The following QSER1 variants were observed in gnomAD, a reference collection of about 807,000 sequenced individuals.
The protein encoded by QSER1 is glutamine and serine rich 1.
QSER1 carries 49 observed loss-of-function variants against 158.5 expected under a neutral mutation model. The observed-to-expected ratio is 0.31, with a 90% CI of 0.25 to 0.39. The LOEUF (loss-of-function observed/expected upper bound fraction) is 0.39, where lower values mean the gene tolerates loss of function less well. Ranked by LOEUF, QSER1 falls within the 10% of genes least tolerant of loss-of-function variation. QSER1 has a pLI of 1.00. For missense variants in QSER1, 1,754 were observed against 2,010.3 expected (o/e 0.87, Z 2.44); for synonymous variants, 650 against 715.5 (o/e 0.91, Z 1.46).
At chr11:32,940,079 C>G (rs1370919594) in intron 4 of QSER1, among the ~76,000 whole-genome samples, 5 of 151,824 alleles carry the variant, frequency 3.3e-5, no homozygotes, top group Non-Finnish European at 7.4e-5. Flanking sequence ...CTCTTGATGC[C>G]TTAGGGGCCT....
At chr11:32,964,717 CATATATATATATAT>C (rs375985842) in intron 8 of QSER1, among the ~76,000 whole-genome samples, 2 of 64,262 alleles carry the variant, frequency 3.1e-5, no homozygotes, top group African/African-American at 7.0e-5. Context: ...AAAAAAACAC[CATATATATATATAT>C]ATATATATAC....
intron 8 of QSER1, among the ~76,000 whole-genome samples, chr11:32,959,564 T>G (rs1852584690): frequency 6.6e-6 from 1 of 152,186 alleles, no homozygotes; most frequent in African/African-American, 2.4e-5. Context: ...GGGACAGTTT[T>G]GAGATATTCA....
intron 1 of QSER1, among the ~76,000 whole-genome samples, chr11:32,908,332 T>G (rs1211826758): frequency 6.6e-6 from 1 of 152,226 alleles, no homozygotes; most frequent in East Asian, 1.9e-4. Flanking sequence ...TTTCATTATT[T>G]CCCTGTGAAA....
intron 9 of QSER1, among the ~76,000 whole-genome samples, chr11:32,967,348 G>A (rs985517002): frequency 1.8e-4 from 28 of 152,042 alleles, no homozygotes; most frequent in African/African-American, 6.3e-4. Context: ...AAAGGGGTAA[G>A]GGATGAAAAA....
chr11:32,932,409 A>G lies in QSER1; in HGVS notation c.1151A>G (p.Gln384Arg), dbSNP rs1250304673. ...GGAGGATTACAACAGAAGACCTCCC[A>G]GGTCTCAGTGGAACTTGCTCAGTCT... ...SNGGLQQKTS[Q>R]VSVELAQSYS... The change falls in exon 4 of 13, where the codon CAG becomes CGG. Residue 384 changes from glutamine (Q) to arginine (R), a missense_variant. Around this residue, in one of 2 missense-constraint regions of QSER1, gnomAD observed 1,707 missense variants for 1,919.6 expected, o/e 0.89. Transcript: ENST00000650167. 6.2e-7 allele frequency: 1 copy of G among 1,612,874 alleles called. No individual in the cohort carries two copies. Among genetic ancestry groups the G allele is most frequent in the Non-Finnish European group, 8.5e-7 (1 of 1,179,980 alleles).
chr11:32,916,085 G>A (rs1007725413), intron 1 of QSER1, among the ~76,000 whole-genome samples: 1 of 152,014 alleles, frequency 6.6e-6, no homozygotes, highest in African/African-American at 2.4e-5. Flanking sequence ...ATTTTGAGTA[G>A]AGACAGGGTT....
intron 3 of QSER1, among the ~76,000 whole-genome samples, chr11:32,928,590 G>A (rs1254022666): frequency 1.3e-5 from 2 of 152,010 alleles, no homozygotes; most frequent in African/African-American, 4.8e-5. Flanking sequence ...CCATTTTCCA[G>A]CAATAATTAC....
chr11:32,935,419 TAAAAAG>T lies in QSER1; in HGVS notation c.4164_4169del (p.Lys1390_Lys1391del). 2 of 1,512,484 alleles carry T rather than the reference TAAAAAG, an allele frequency of 1.3e-6. No homozygotes were observed. Among genetic ancestry groups the T allele is most frequent in the South Asian group, 2.7e-5 (2 of 75,314 alleles). The allele number at this position is 1,512,484 out of a possible 1,614,324, so 93.7% of individuals were successfully genotyped here. The stretch of plus-strand genomic sequence containing the variant: ...TAACTACTTTGGATGCTACTTCTGA[TAAAAAG>T]AAGAAAACAGGTAAAGTTTTACAAT... On this transcript the variant is annotated inframe_deletion, in exon 4 of 13. Transcript: ENST00000650167.
At chr11:32,957,181 G>A (rs371589795) in intron 7 of QSER1, among the ~76,000 whole-genome samples, 39 of 131,584 alleles carry the variant, frequency 3.0e-4, no homozygotes, top group Admixed American at 1.1e-3. Flanking sequence ...TTGCTCTGTC[G>A]CCCAGGCTGG....
rs1179766696 is a variant in QSER1, at chr11:32,934,070, C to G, written c.2812C>G (p.Leu938Val). 4 of 1,613,846 alleles carry G rather than the reference C, an allele frequency of 2.5e-6. No individual in the cohort carries two copies. In the East Asian group the frequency reaches 8.9e-5, roughly 36 times the overall value. Residue 938 changes from leucine to valine, a missense_variant, in exon 4 of 13, where the codon CTA (leucine) becomes GTA (valine). Physicochemically the swap from Leu to Val is conservative, Grantham distance 32. Coordinates refer to ENST00000650167, the MANE Select transcript of QSER1 (RefSeq NM_001076786.3). ...SESSKPLQQH[L>V]TTKGHFSETN... ...GTCTTCAAAACCATTACAACAACAT[C>G]TAACAACAAAGGGCCATTTTAGTGA...
intron 1 of QSER1, among the ~76,000 whole-genome samples, chr11:32,914,873 G>C (rs1044824683): frequency 2.0e-5 from 3 of 152,118 alleles, no homozygotes; most frequent in Non-Finnish European, 4.4e-5. Context: ...ACAGTGTAGA[G>C]AGTGGTAATC....
At chr11:32,938,354 G>A (rs763961906) in intron 4 of QSER1, among the ~76,000 whole-genome samples, 3 of 152,142 alleles carry the variant, frequency 2.0e-5, no homozygotes, top group Non-Finnish European at 4.4e-5. Context: ...ATGAGTGAGG[G>A]TATGTAAAAG....
At position 32,893,080 on chromosome 11, in the gene QSER1, T is replaced by G. The variant is rs1296867369; in HGVS notation, c.-46T>G. 1 of 75,776 alleles carries G rather than the reference T, an allele frequency of 1.3e-5. No homozygotes were observed. Among genetic ancestry groups the G allele is most frequent in the Non-Finnish European group, 2.4e-5 (1 of 40,838 alleles). 4.7% of individuals were successfully genotyped at this position (75,776 alleles called of 1,614,324 possible). The stretch of plus-strand genomic sequence containing the variant: ...TGCCCGCCCCCGTCACACGGAGCCC[T>G]GGAGGATCCCCCGCTGCTGCCCGCC... On this transcript the variant is annotated 5_prime_UTR_variant, in exon 1 of 13. Transcript: ENST00000650167. The surrounding 1 kb of genome is among the most constrained non-coding windows in gnomAD (Gnocchi z 4.7).
rs190634383 is a variant in QSER1, at chr11:32,969,506, G to A, written c.5205+363G>A. ...TCATTTATTCAATATCAGAGGAAAC[G>A]CTGATTTTTATAAGGGTAGGAAATG... On this transcript the variant is annotated intron_variant, in intron 10 of 12. Coordinates refer to ENST00000650167, the MANE Select transcript of QSER1 (RefSeq NM_001076786.3). Among the ~76,000 whole-genome samples, 8 of 152,036 alleles carry A rather than the reference G, an allele frequency of 5.3e-5. No homozygotes were observed. In the East Asian group the frequency reaches 1.2e-3, roughly 22 times the overall value.
Position 32,976,716 on chromosome 11 carries a change from C to T in QSER1, c.*242C>T, listed in dbSNP as rs186501494. 3.2e-4 allele frequency: 125 copies of T among 390,630 alleles called. No homozygotes were observed. The highest frequency in any genetic ancestry group is 1.1e-3 in the Admixed American group (23 of 20,182). The allele number at this position is 390,630 out of a possible 1,614,324, so 24.2% of individuals were successfully genotyped here. A position where few individuals can be genotyped will look rare whatever the true frequency, so the allele number is the denominator to read the frequency against. On this transcript the variant is annotated 3_prime_UTR_variant, in exon 13 of 13. Coordinates refer to ENST00000650167, the MANE Select transcript of QSER1 (RefSeq NM_001076786.3). ...ATGAATGATTTTTCTATTTTGTAAACCATTGGGTAACTTGAGTCATATTTT... is the reference window on the plus strand; with the variant it reads ...ATGAATGATTTTTCTATTTTGTAAATCATTGGGTAACTTGAGTCATATTTT...
At chr11:32,898,512 A>G (rs1356161596) in intron 1 of QSER1, among the ~76,000 whole-genome samples, 1 of 151,764 alleles carries the variant, frequency 6.6e-6, no homozygotes, top group Non-Finnish European at 1.5e-5. Context: ...ACACACACAC[A>G]CACACACACA....
chr11:32,945,250 G>T (rs1449167433), intron 4 of QSER1, among the ~76,000 whole-genome samples: 4 of 150,256 alleles, frequency 2.7e-5, no homozygotes, highest in South Asian at 2.1e-4. Flanking sequence ...AAAGTTAATA[G>T]TGTTATGTGT....
At position 32,935,254 on chromosome 11, in the gene QSER1, A is replaced by C; in HGVS notation, c.3996A>C (p.Leu1332Phe). 6.2e-7 allele frequency: 1 copy of C among 1,613,958 alleles called. No homozygotes were observed. Among genetic ancestry groups the C allele is most frequent in the Non-Finnish European group, 8.5e-7 (1 of 1,179,954 alleles). Residue 1332 changes from leucine to phenylalanine, a missense_variant, in exon 4 of 13, where the codon TTA (leucine) becomes TTC (phenylalanine). Physicochemically the swap from Leu to Phe is conservative, Grantham distance 22 (BLOSUM62 0). Around this residue, in one of 2 missense-constraint regions of QSER1, gnomAD observed 1,707 missense variants for 1,919.6 expected, o/e 0.89. Coordinates refer to ENST00000650167, the MANE Select transcript of QSER1 (RefSeq NM_001076786.3). ...PKPSSTTPTP[L>F]VSETGGNSPS... The stretch of plus-strand genomic sequence containing the variant: ...CTTCATCTACAACACCCACACCTTT[A>C]GTGTCTGAAACTGGCGGTAACAGTC...
Position 32,906,464 on chromosome 11 carries a change from C to T in QSER1, c.209+13130C>T, listed in dbSNP as rs546269123. On this transcript the variant is annotated intron_variant, in intron 1 of 12. Transcript: ENST00000650167. ...TTACTCTGTCATCCAGGCTAGAGTACAGTGGCTCTCTGTAACCTGAAGCTT... is the reference window on the plus strand; with the variant it reads ...TTACTCTGTCATCCAGGCTAGAGTATAGTGGCTCTCTGTAACCTGAAGCTT... Among the ~76,000 whole-genome samples the T allele has an allele frequency of 1.2e-3, 190 of 152,278 alleles. 1 individual carries two copies. Among genetic ancestry groups the T allele is most frequent in the Non-Finnish European group, 2.4e-3 (163 of 68,022 alleles).
Sources: allele counts gnomAD v4.1 joint callset (sites outside exome capture counted in the v4.1 genomes callset), GRCh38; gene constraint gnomAD v4.1.1; regional missense constraint gnomAD v4.1.1; non-coding constraint Gnocchi (gnomAD v3.1); transcripts MANE v1.5; gene names NCBI Gene and HGNC (gene_info 2026-07-23, HGNC 2026-07-21).